Variants in PBLD observed in about 807,000 individuals in gnomAD.
PBLD encodes the protein phenazine biosynthesis-like domain-containing protein.
In PBLD, 26 loss-of-function variants were observed where a neutral mutation model predicts 31.3. The ratio of observed to expected loss-of-function variants is 0.83; its 90% CI spans 0.61 to 1.15. The LOEUF is 1.15. PBLD is among the 50% of genes most tolerant of loss of function. PBLD has a pLI of 0.00. For missense variants in PBLD, 307 were observed against 351.7 expected (o/e 0.87, Z 1.02); for synonymous variants, 114 against 129.0 (o/e 0.88, Z 0.79).
chr10:68,306,976 A>C, intron 1 of PBLD, 73 bp from the exon 2 acceptor site: 2 of 631,948 alleles, frequency 3.2e-6, no homozygotes, highest in Non-Finnish European at 5.6e-6. Flanking sequence ...TCCCAGATAC[A>C]AAGTCAAGCA....
intron 1 of PBLD, among the ~76,000 whole-genome samples, chr10:68,319,140 T>G (rs1406233957): frequency 9.2e-6 from 1 of 108,686 alleles, no homozygotes; most frequent in African/African-American, 3.7e-5. Context: ...GAAGGAGAAA[T>G]AGCAATGGAA....
intron 9 of PBLD, chr10:68,284,960 C>T: frequency 2.0e-6 from 2 of 995,178 alleles, no homozygotes; most frequent in South Asian, 8.7e-5. Flanking sequence ...ATACATTAAT[C>T]ACTAGGGGAC....
chr10:68,296,201 G>T, intron 4 of PBLD, 65 bp downstream of exon 4: 3 of 1,215,130 alleles, frequency 2.5e-6, no homozygotes, highest in Non-Finnish European at 3.5e-6. Context: ...AAAAGTGTGT[G>T]TGAGAACTTA....
intron 1 of PBLD, among the ~76,000 whole-genome samples, chr10:68,329,212 C>T (rs1033873742): frequency 1.3e-4 from 20 of 152,262 alleles, no homozygotes; most frequent in Non-Finnish European, 2.1e-4. Flanking sequence ...AAACTTCCTA[C>T]TGTAATAATA....
At chr10:68,297,416 A>C (rs1023868205) in intron 2 of PBLD, among the ~76,000 whole-genome samples, 7 of 152,166 alleles carry the variant, frequency 4.6e-5, no homozygotes, top group African/African-American at 1.7e-4. Context: ...ACTCTCTTTC[A>C]TGGGAAGGGC....
Position 68,296,906 on chromosome 10 carries a change from G to A in PBLD, c.164C>T (p.Pro55Leu), listed in dbSNP as rs758170216. Residue 55 changes from proline (P) to leucine (L), a missense_variant, in exon 3 of 10, where the codon CCG becomes CTG. Pro to Leu is a moderately conservative substitution (Grantham distance 98, BLOSUM62 -3). Coordinates refer to ENST00000358769, the MANE Select transcript of PBLD (RefSeq NM_022129.4). Reference protein sequence around the residue: ...SETAFIRKLHPTDNFAQSSCF... With the variant: ...SETAFIRKLHLTDNFAQSSCF... ...TTTACTTTGTGCAAAGTTGTCTGTCGGGTGCAGTTTTCGGATAAAAGCAGT... is the reference window on the plus strand; with the variant it reads ...TTTACTTTGTGCAAAGTTGTCTGTCAGGTGCAGTTTTCGGATAAAAGCAGT... 8.7e-6 allele frequency: 14 copies of A among 1,613,276 alleles called. No individual in the cohort carries two copies. Among genetic ancestry groups the A allele is most frequent in the South Asian group, 4.4e-5 (4 of 91,052 alleles).
At chr10:68,317,716 T>G (rs187813250) in intron 1 of PBLD, among the ~76,000 whole-genome samples, 1 of 152,136 alleles carries the variant, frequency 6.6e-6, no homozygotes, top group East Asian at 1.9e-4. Flanking sequence ...GAGAATCGGT[T>G]GAGCCCAGGA....
intron 2 of PBLD, 127 bp downstream of exon 2, chr10:68,306,634 T>C: frequency 1.2e-6 from 1 of 819,590 alleles, no homozygotes; most frequent in Non-Finnish European, 1.9e-6. Flanking sequence ...TGAACATTAC[T>C]GATATGATGG....
At chr10:68,317,722 C>G (rs776430633) in intron 1 of PBLD, among the ~76,000 whole-genome samples, 1 of 151,502 alleles carries the variant, frequency 6.6e-6, no homozygotes. Context: ...CGGTTGAGCC[C>G]AGGAGGCAGG....
chr10:68,331,708 G>A (rs2045102471), intron 1 of PBLD: 1 of 152,296 alleles, frequency 6.6e-6, no homozygotes, highest in Non-Finnish European at 1.5e-5. Flanking sequence ...ATTTGTTCAC[G>A]GTGGGGGCAG....
chr10:68,315,391 C>T (rs2044723698), intron 1 of PBLD, among the ~76,000 whole-genome samples: 1 of 151,870 alleles, frequency 6.6e-6, no homozygotes, highest in Admixed American at 6.6e-5. Flanking sequence ...TCAAGACCAG[C>T]CTGGCCAACA....
At chr10:68,312,869 C>T (rs892404632) in intron 1 of PBLD, among the ~76,000 whole-genome samples, 2 of 151,902 alleles carry the variant, frequency 1.3e-5, no homozygotes, top group African/African-American at 4.8e-5. Context: ...CCTCGGACTC[C>T]CAAAGTGTTG....
At chr10:68,285,290 AG>A (rs1395173007) in intron 9 of PBLD, 57 bp downstream of exon 9, 1 of 1,613,728 alleles carries the variant, frequency 6.2e-7, no homozygotes, top group East Asian at 2.2e-5. Flanking sequence ...ACATATGAGA[AG>A]GAACACTAGC....
rs948814705 is a variant in PBLD, at chr10:68,284,065, A to G, written c.*112T>C. Reference sequence around the variant, plus strand: ...CCTGGCCCATTTTTCGATTTTTAACATGAGGATTAAGTAGACTACTACGCA... The same window carrying G: ...CCTGGCCCATTTTTCGATTTTTAACGTGAGGATTAAGTAGACTACTACGCA... On this transcript the variant is annotated 3_prime_UTR_variant, in exon 10 of 10. Coordinates refer to ENST00000358769, the MANE Select transcript of PBLD (RefSeq NM_022129.4). 4 of 1,054,064 alleles carry G rather than the reference A, an allele frequency of 3.8e-6. No homozygotes were observed. The African/African-American group carries it at 4.8e-5, about 13-fold the overall frequency. The allele number at this position is 1,054,064 out of a possible 1,614,324, so 65.3% of individuals were successfully genotyped here.
chr10:68,316,657 A>G (rs1402794765), intron 1 of PBLD, among the ~76,000 whole-genome samples: 2 of 152,238 alleles, frequency 1.3e-5, no homozygotes, highest in Non-Finnish European at 2.9e-5. Flanking sequence ...AACTCCAAGT[A>G]TTATAGAATT....
chr10:68,288,802 A>T, intron 7 of PBLD, 129 bp downstream of exon 7: 1 of 1,274,622 alleles, frequency 7.8e-7, no homozygotes, highest in East Asian at 2.3e-5. Flanking sequence ...ATGTCTTCCT[A>T]TCAGGGAAAG....
chr10:68,292,195 T>G lies in PBLD; in HGVS notation c.327A>C (p.Glu109Asp). The part of the protein sequence containing the change: ...STLTFVTLSG[E>D]LRARRAEDGI... ...CATCCTCTGCTCGTCTGGCCCTTAG[T>G]TCTCCACTCAGAGTGACAAACGTGA... Residue 109 changes from glutamate to aspartate, a missense_variant, in exon 5 of 10, where the codon GAA becomes GAC. Physicochemically the swap from Glu to Asp is conservative, Grantham distance 45. Coordinates refer to ENST00000358769, the MANE Select transcript of PBLD (RefSeq NM_022129.4). 1.2e-6 allele frequency: 2 copies of G among 1,613,870 alleles called. No individual in the cohort carries two copies. Among genetic ancestry groups the G allele is most frequent in the Non-Finnish European group, 1.7e-6 (2 of 1,180,034 alleles).
chr10:68,322,030 T>C (rs2044842322), intron 1 of PBLD, among the ~76,000 whole-genome samples: 1 of 152,002 alleles, frequency 6.6e-6, no homozygotes, highest in African/African-American at 2.4e-5. Context: ...GAACAGAGCA[T>C]GGAAAGACAG....
At position 68,314,129 on chromosome 10, in the gene PBLD, A is replaced by T. The variant is rs55965635; in HGVS notation, c.-59-7226T>A. 3.2e-3 allele frequency among the ~76,000 whole-genome samples: 488 copies of T among 152,076 alleles called. 2 individuals are homozygous for T. The highest frequency in any genetic ancestry group is 0.011 in the African/African-American group (476 of 41,466). ...GTAGCTGGGACTACAGGCGTGCACC[A>T]CTGTGCCCAGCTAATTTTTGTATTT... On this transcript the variant is annotated intron_variant, in intron 1 of 9. Transcript: ENST00000358769.
Sources: gnomAD v4.1 joint callset for allele counts (sites outside exome capture counted in the v4.1 genomes callset) on GRCh38, gnomAD v4.1.1 for gene constraint, MANE v1.5 for transcripts, NCBI Gene and HGNC (gene_info 2026-07-23, HGNC 2026-07-21) for gene names.